The following SLC22A3 variants were observed in gnomAD, a reference collection of about 807,000 sequenced individuals.
SLC22A3 encodes the protein solute carrier family 22 member 3.
SLC22A3 carries 51 observed loss-of-function variants against 59.1 expected under a neutral mutation model. That is an observed-to-expected ratio of 0.86 (90% CI 0.69 to 1.09). The LOEUF (loss-of-function observed/expected upper bound fraction) is 1.09. Ranked by LOEUF, SLC22A3 falls within the 50% of genes least tolerant of loss-of-function variation. The pLI, the probability that SLC22A3 is intolerant of heterozygous loss-of-function variation, is 0.00. For missense variants in SLC22A3, 711 were observed against 726.3 expected, an observed-to-expected ratio of 0.98 and a Z score of 0.24; for synonymous variants, 325 against 292.0, an observed-to-expected ratio of 1.11 and a Z score of -1.15.
At position 160,447,801 on chromosome 6, in the gene SLC22A3, T is replaced by C; in HGVS notation, c.1593T>C (p.Asp531=). 6.2e-7 allele frequency: 1 copy of C among 1,613,986 alleles called. No homozygotes were observed. Among genetic ancestry groups the C allele is most frequent in the Non-Finnish European group, 8.5e-7 (1 of 1,179,928 alleles). ...KGIALPETVD[D]VEKLGSPHSC... is the part of the protein sequence containing the mutation. The stretch of plus-strand genomic sequence containing the variant: ...TTGCCTTGCCAGAGACAGTGGATGA[T>C]GTAGAAAAACTTGGCAGGTACTGTA... The change falls in exon 10 of 11, where the codon GAT becomes GAC. Residue 531 remains aspartate, a synonymous_variant. Transcript: ENST00000275300.
chr6:160,367,582 C>T (rs1785250258), intron 1 of SLC22A3, among the ~76,000 whole-genome samples: 1 of 152,218 alleles, frequency 6.6e-6, no homozygotes. Context: ...ACTGAAACTT[C>T]CTCTGCCCTG....
intron 1 of SLC22A3, among the ~76,000 whole-genome samples, chr6:160,354,345 G>A (rs1274155535): frequency 6.6e-6 from 1 of 152,196 alleles, no homozygotes; most frequent in African/African-American, 2.4e-5. Context: ...CAATTGGCTT[G>A]ACATATGCTT....
intron 1 of SLC22A3, among the ~76,000 whole-genome samples, chr6:160,352,504 T>C (rs1399992649): frequency 6.6e-6 from 1 of 152,146 alleles, no homozygotes; most frequent in East Asian, 1.9e-4. Context: ...CTTGCTAATA[T>C]GGTATGGATG....
At chr6:160,371,362 G>A (rs957128103) in intron 1 of SLC22A3, among the ~76,000 whole-genome samples, 6 of 152,040 alleles carry the variant, frequency 3.9e-5, no homozygotes, top group Non-Finnish European at 8.8e-5. Context: ...GCCCTGGTGT[G>A]TGATGTTCCC....
chr6:160,364,562 G>A (rs555543947), intron 1 of SLC22A3, among the ~76,000 whole-genome samples: 8 of 152,302 alleles, frequency 5.3e-5, no homozygotes, highest in South Asian at 4.1e-4. Flanking sequence ...GCACCAAATC[G>A]TTTCTCAGTA....
chr6:160,389,755 A>G (rs1248045216), intron 1 of SLC22A3, among the ~76,000 whole-genome samples: 3 of 152,118 alleles, frequency 2.0e-5, no homozygotes, highest in Non-Finnish European at 4.4e-5. Flanking sequence ...TGGAAGGGAA[A>G]CCCTGGTAGT....
intron 1 of SLC22A3, among the ~76,000 whole-genome samples, chr6:160,392,967 A>C (rs769463309): frequency 3.0e-4 from 45 of 152,088 alleles, no homozygotes; most frequent in Non-Finnish European, 4.4e-4. Context: ...AGAGCTGATT[A>C]GGAAAGGTTC....
intron 5 of SLC22A3, among the ~76,000 whole-genome samples, chr6:160,432,920 C>G (rs572983829): frequency 6.6e-6 from 1 of 152,204 alleles, no homozygotes; most frequent in Admixed American, 6.5e-5. Context: ...ACCTCAACTT[C>G]TTTCTCTCTG....
chr6:160,400,084 ATTTTT>A (rs760874011), intron 2 of SLC22A3, among the ~76,000 whole-genome samples: 11 of 95,434 alleles, frequency 1.2e-4, no homozygotes, highest in African/African-American at 8.2e-5. Flanking sequence ...AGCTTTTGTG[ATTTTT>A]TTTTTTTTTT....
intron 5 of SLC22A3, among the ~76,000 whole-genome samples, chr6:160,431,190 G>T (rs1788138320): frequency 6.6e-6 from 1 of 152,092 alleles, no homozygotes; most frequent in South Asian, 2.1e-4. Context: ...GTTTTTTTGT[G>T]TGTCTGACTC....
intron 1 of SLC22A3, among the ~76,000 whole-genome samples, chr6:160,390,355 C>T (rs1786205680): frequency 6.6e-6 from 1 of 152,192 alleles, no homozygotes; most frequent in African/African-American, 2.4e-5. Flanking sequence ...ACAGCCAAGG[C>T]ACTGGCCTCA....
chr6:160,387,016 G>T (rs1313030389), intron 1 of SLC22A3, among the ~76,000 whole-genome samples: 1 of 152,198 alleles, frequency 6.6e-6, no homozygotes, highest in South Asian at 2.1e-4. Context: ...GTACAACCTG[G>T]CACTGCAGCT....
intron 5 of SLC22A3, among the ~76,000 whole-genome samples, chr6:160,414,803 A>T (rs1787403494): frequency 6.6e-6 from 1 of 152,306 alleles, no homozygotes; most frequent in South Asian, 2.1e-4. Context: ...TCCTCCTATG[A>T]CACATGGGGA....
In SLC22A3 at chr6:160,436,846, A is replaced by T. The variant is rs145328121; in HGVS notation, c.1042A>T (p.Arg348Trp). The T allele has an allele frequency of 1.5e-4, 249 of 1,613,748 alleles. No individual in the cohort carries two copies. The highest frequency in any genetic ancestry group is 1.8e-4 in the Admixed American group (11 of 60,000). Residue 348 changes from arginine (R) to tryptophan (W), a missense_variant, in exon 6 of 11, where the codon AGG becomes TGG. By Grantham distance (101) the Arg-to-Trp change is moderately radical. Transcript: ENST00000275300. ...AGATCTGGTGAGAACTCCCCAAATG[A>T]GGAAATGCACACTTATTCTTATGTT... is the stretch of plus-strand genomic sequence containing the variant. ...FLDLVRTPQM[R>W]KCTLILMFAW...
At position 160,452,538 on chromosome 6, in the gene SLC22A3, T is replaced by A. The variant is rs1044104344; in HGVS notation, c.*1482T>A. 6 of 150,974 alleles carry A rather than the reference T, an allele frequency of 4.0e-5. No individual in the cohort carries two copies. The highest frequency in any genetic ancestry group is 7.3e-5 in the Non-Finnish European group (5 of 68,042). The allele number at this position is 150,974 out of a possible 1,614,324, so 9.4% of individuals were successfully genotyped here. ...TGTTGAATTGTATTTTGAGTGGATATTTTTGTTTGGTAACAATTAAAATTT... is the reference window on the plus strand; with the variant it reads ...TGTTGAATTGTATTTTGAGTGGATAATTTTGTTTGGTAACAATTAAAATTT... On this transcript the variant is annotated 3_prime_UTR_variant, in exon 11 of 11. Coordinates refer to ENST00000275300, the MANE Select transcript of SLC22A3 (RefSeq NM_021977.4).
chr6:160,430,932 G>A (rs1309837954), intron 5 of SLC22A3, among the ~76,000 whole-genome samples: 1 of 152,204 alleles, frequency 6.6e-6, no homozygotes, highest in East Asian at 1.9e-4. Flanking sequence ...AGAGCCCAGA[G>A]TGGGGGGAGG....
intron 1 of SLC22A3, among the ~76,000 whole-genome samples, chr6:160,372,823 T>C (rs1175927445): frequency 1.3e-4 from 20 of 152,218 alleles, no homozygotes; most frequent in Admixed American, 1.3e-3. Flanking sequence ...CACAAAGTTC[T>C]CATGCTGTGT....
intron 5 of SLC22A3, 130 bp from the exon 6 acceptor site, chr6:160,436,650 G>T (rs1788343267): frequency 4.5e-6 from 3 of 668,842 alleles, no homozygotes; most frequent in Admixed American, 2.7e-5. Context: ...TAATTGTCAG[G>T]TTTTAAGATA....
intron 1 of SLC22A3, among the ~76,000 whole-genome samples, chr6:160,377,827 G>A (rs926987301): frequency 6.6e-6 from 1 of 152,190 alleles, no homozygotes; most frequent in African/African-American, 2.4e-5. Context: ...CGTAGGTTTG[G>A]CTCAAAGATT....
Sources: allele counts gnomAD v4.1 joint callset (sites outside exome capture counted in the v4.1 genomes callset), GRCh38; gene constraint gnomAD v4.1.1; transcripts MANE v1.5; gene names NCBI Gene and HGNC (gene_info 2026-07-23, HGNC 2026-07-21).